FAM20A: variants seen among roughly 807,000 people sequenced by gnomAD.
FAM20A encodes pseudokinase FAM20A.
Under a neutral mutation model 52.0 loss-of-function variants are expected in FAM20A, and 42 were observed. That is an observed-to-expected ratio of 0.81 (90% CI 0.63 to 1.04). The LOEUF (loss-of-function observed/expected upper bound fraction) is 1.04, where lower values mean the gene tolerates loss of function less well. Among genes scored for constraint, FAM20A ranks in the 50% least tolerant of loss-of-function variants. The probability of loss-of-function intolerance (pLI) is 0.00; values close to 1 mark genes in which losing one functional copy is unlikely to be tolerated. For synonymous variants in FAM20A, 304 were observed against 298.9 expected, an observed-to-expected ratio of 1.02 and a Z score of -0.18; for missense variants, 742 against 712.7, an observed-to-expected ratio of 1.04 and a Z score of -0.47.
chr17:68,555,301 A>C (rs1464951167), intron 2 of FAM20A, among the ~76,000 whole-genome samples: 1 of 152,252 alleles, frequency 6.6e-6, no homozygotes, highest in Admixed American at 6.5e-5. Flanking sequence ...CGCCTGCTTC[A>C]AAAGCAACAC....
chr17:68,581,542 T>TTTTC (rs1598069523), intron 1 of FAM20A, among the ~76,000 whole-genome samples: 3 of 149,458 alleles, frequency 2.0e-5, no homozygotes, highest in South Asian at 2.1e-4. Flanking sequence ...CTTTCTTTTC[T>TTTTC]TTTCTTTCTT....
At chr17:68,555,009 G>A (rs1056411098) in intron 2 of FAM20A, among the ~76,000 whole-genome samples, 182 bp from the exon 3 acceptor site, 1 of 152,196 alleles carries the variant, frequency 6.6e-6, no homozygotes, top group Non-Finnish European at 1.5e-5. Context: ...CTTCCCTGCT[G>A]TGTCCCAGAC....
At chr17:68,553,775 C>CACAT in intron 3 of FAM20A, among the ~76,000 whole-genome samples, 1 of 147,074 alleles carries the variant, frequency 6.8e-6, no homozygotes, top group Non-Finnish European at 1.5e-5. Context: ...TACATATATA[C>CACAT]ATATATACAT....
At position 68,536,915 on chromosome 17, in the gene FAM20A, G is replaced by A. The variant is rs1274429054; in HGVS notation, c.*562C>T. On this transcript the variant is annotated 3_prime_UTR_variant, in exon 11 of 11. Transcript: ENST00000592554. ...TCTCTAAGAAGTTACTCCAGGACCGGGCAGTAGGGATTACTGATTCAGATG... is the reference window on the plus strand; with the variant it reads ...TCTCTAAGAAGTTACTCCAGGACCGAGCAGTAGGGATTACTGATTCAGATG... 1 of 454,024 alleles carries A rather than the reference G, an allele frequency of 2.2e-6. No individual in the cohort carries two copies. Among genetic ancestry groups the A allele is most frequent in the African/African-American group, 2.0e-5 (1 of 49,976 alleles). The allele number at this position is 454,024 out of a possible 1,614,324, so 28.1% of individuals were successfully genotyped here. A position where few individuals can be genotyped will look rare whatever the true frequency, so the allele number is the denominator to read the frequency against.
intron 1 of FAM20A, among the ~76,000 whole-genome samples, chr17:68,561,366 A>G (rs2087207007): frequency 6.6e-6 from 1 of 152,218 alleles, no homozygotes; most frequent in Non-Finnish European, 1.5e-5. Context: ...CAGGATGACT[A>G]GCTAGTTCTT....
At chr17:68,544,502 T>C (rs964770909) in intron 4 of FAM20A, among the ~76,000 whole-genome samples, 9 of 152,112 alleles carry the variant, frequency 5.9e-5, no homozygotes, top group African/African-American at 2.2e-4. Context: ...TCGAATAATT[T>C]TATAATCCAC....
At chr17:68,541,185 G>A (rs537381065) in intron 7 of FAM20A, 13 of 554,766 alleles carry the variant, frequency 2.3e-5, no homozygotes, top group Admixed American at 9.5e-5. Flanking sequence ...CTAAACCCAT[G>A]GTTGGGATAC....
In FAM20A at chr17:68,565,383, C is replaced by CTTTTTTTTTTTTTTTTT. The variant is rs796800181; in HGVS notation, c.405-9657_405-9641dup. Among the ~76,000 whole-genome samples, 14 of 103,796 alleles carry CTTTTTTTTTTTTTTTTT rather than the reference C, an allele frequency of 1.3e-4. 1 individual carries two copies. The highest frequency in any genetic ancestry group is 6.1e-4 in the African/African-American group (14 of 22,986). 68.1% of individuals were successfully genotyped at this position (103,796 alleles called of 152,430 possible). ...CCTGGAGTTTAACCTCCATTACCTC[C>CTTTTTTTTTTTTTTTTT]TTTTTTTTTTTTTTTTTTTTTTTTT... On this transcript the variant is annotated intron_variant, in intron 1 of 10. Coordinates refer to ENST00000592554, the MANE Select transcript of FAM20A (RefSeq NM_017565.4).
chr17:68,594,633 C>T (rs1245738630), intron 1 of FAM20A, among the ~76,000 whole-genome samples: 4 of 152,138 alleles, frequency 2.6e-5, no homozygotes, highest in Non-Finnish European at 5.9e-5. Context: ...CAAGCTCATT[C>T]TTGGTGGTGG....
chr17:68,563,341 G>A (rs1265870041), intron 1 of FAM20A, among the ~76,000 whole-genome samples: 4 of 148,868 alleles, frequency 2.7e-5, no homozygotes, highest in Non-Finnish European at 4.4e-5. Flanking sequence ...AGCTGAGATC[G>A]TGACACTGCA....
At chr17:68,539,630 G>T (rs762332400) in intron 9 of FAM20A, among the ~76,000 whole-genome samples, 5 of 152,244 alleles carry the variant, frequency 3.3e-5, no homozygotes, top group African/African-American at 1.2e-4. Flanking sequence ...CAGCCACTGA[G>T]GATGCACCTT....
intron 5 of FAM20A, among the ~76,000 whole-genome samples, chr17:68,543,210 A>G (rs569931908): frequency 1.3e-5 from 2 of 152,250 alleles, no homozygotes; most frequent in Non-Finnish European, 1.5e-5. Context: ...GGAAGTGCCC[A>G]TGACGCTACA....
At position 68,546,407 on chromosome 17, in the gene FAM20A, CA is replaced by C. The variant is rs549896599; in HGVS notation, c.720-2687del. Among the ~76,000 whole-genome samples the C allele has an allele frequency of 8.6e-4, 131 of 152,112 alleles. 2 individuals carry two copies. Among genetic ancestry groups the C allele is most frequent in the African/African-American group, 2.9e-3 (121 of 41,386 alleles). On this transcript the variant is annotated intron_variant, in intron 4 of 10. Transcript: ENST00000592554. ...GTTGATATTTTTACCTCCTTCCACGCATCACAAATTTTCTTAATGGCATCTA... is the reference window on the plus strand; with the variant it reads ...GTTGATATTTTTACCTCCTTCCACGCTCACAAATTTTCTTAATGGCATCTA...
intron 6 of FAM20A, 143 bp from the exon 7 acceptor site, chr17:68,542,308 C>T (rs761790229): frequency 5.2e-6 from 5 of 968,178 alleles, no homozygotes; most frequent in African/African-American, 4.9e-5. Flanking sequence ...GAAACATTGA[C>T]TTTTCCAGAA....
At chr17:68,548,968 G>A (rs968835250) in intron 4 of FAM20A, among the ~76,000 whole-genome samples, 12 of 151,844 alleles carry the variant, frequency 7.9e-5, no homozygotes, top group East Asian at 7.9e-4. Context: ...TCCTGACCTC[G>A]TGATCTGCCC....
At chr17:68,551,688 A>AATTATTATTATTATT (rs34824326) in intron 4 of FAM20A, among the ~76,000 whole-genome samples, 185 bp downstream of exon 4, 78 of 134,848 alleles carry the variant, frequency 5.8e-4, no homozygotes, top group East Asian at 1.7e-3. Context: ...TAGTATTTTC[A>AATTATTATTATTATT]ATTATTATTA....
At chr17:68,547,972 C>T (rs2086645748) in intron 4 of FAM20A, among the ~76,000 whole-genome samples, 1 of 152,206 alleles carries the variant, frequency 6.6e-6, no homozygotes, top group African/African-American at 2.4e-5. Flanking sequence ...CTCCTCCTTT[C>T]ATGTGAACAC....
intron 1 of FAM20A, among the ~76,000 whole-genome samples, chr17:68,592,580 G>A (rs1017316418): frequency 2.0e-5 from 3 of 152,210 alleles, no homozygotes; most frequent in African/African-American, 7.2e-5. Context: ...TCACTTGCCA[G>A]GGCTGAACAG....
At chr17:68,587,529 C>G (rs897212784) in intron 1 of FAM20A, among the ~76,000 whole-genome samples, 2 of 152,142 alleles carry the variant, frequency 1.3e-5, no homozygotes, top group Non-Finnish European at 2.9e-5. Flanking sequence ...AGAGGTTCAG[C>G]CTCTAGGAGG....
Sources: gnomAD v4.1 joint callset for allele counts (sites outside exome capture counted in the v4.1 genomes callset) on GRCh38, gnomAD v4.1.1 for gene constraint, MANE v1.5 for transcripts, NCBI Gene and HGNC (gene_info 2026-07-23, HGNC 2026-07-21) for gene names.